Variants in SLC44A5 observed in about 807,000 individuals in gnomAD.
SLC44A5 encodes solute carrier family 44 member 5, also known as choline transporter-like protein 5.
Under a neutral mutation model 101.8 loss-of-function variants are expected in SLC44A5, and 57 were observed. The observed-to-expected ratio is 0.56, with a 90% CI of 0.45 to 0.70. SLC44A5 has a LOEUF of 0.70. Ranked by LOEUF, SLC44A5 falls within the 30% of genes least tolerant of loss-of-function variation. SLC44A5 has a pLI of 0.00. For synonymous variants in SLC44A5, 281 were observed against 290.9 expected (o/e 0.97, Z 0.35); for missense variants, 737 against 853.1 (o/e 0.86, Z 1.70).
intron 1 of SLC44A5, among the ~76,000 whole-genome samples, chr1:75,553,827 T>A (rs1391429595): frequency 6.6e-6 from 1 of 152,106 alleles, no homozygotes; most frequent in Non-Finnish European, 1.5e-5. Context: ...CTGAGCAAAA[T>A]CTCAGGGATG....
intron 7 of SLC44A5, among the ~76,000 whole-genome samples, chr1:75,249,977 T>C (rs929156330): frequency 6.6e-6 from 1 of 152,190 alleles, no homozygotes; most frequent in Non-Finnish European, 1.5e-5. Flanking sequence ...TTTTGTGGGA[T>C]TAGAAACATA....
chr1:75,469,446 T>C (rs1666987257), intron 2 of SLC44A5, among the ~76,000 whole-genome samples: 2 of 149,170 alleles, frequency 1.3e-5, no homozygotes, highest in Non-Finnish European at 3.0e-5. Context: ...TAGATGCAGA[T>C]TTTACTAGCA....
chr1:75,354,490 C>A (rs758186385), intron 3 of SLC44A5, among the ~76,000 whole-genome samples: 4 of 152,186 alleles, frequency 2.6e-5, no homozygotes, highest in Non-Finnish European at 4.4e-5. Flanking sequence ...TCCTTTCAAC[C>A]CCCACATCCT....
chr1:75,428,419 G>C (rs1664431093), intron 2 of SLC44A5, among the ~76,000 whole-genome samples: 1 of 152,162 alleles, frequency 6.6e-6, no homozygotes, highest in South Asian at 2.1e-4. Context: ...CTCAAGGACA[G>C]GGAGTACGTC....
chr1:75,717,780 A>C, the SLC44A5 span, among the ~76,000 whole-genome samples: 1 of 152,230 alleles, frequency 6.6e-6, no homozygotes, highest in Non-Finnish European at 1.5e-5. Flanking sequence ...CAAAGGTCTT[A>C]ATACAACACT....
chr1:75,375,581 T>C (rs1660524488), intron 3 of SLC44A5, among the ~76,000 whole-genome samples: 1 of 152,124 alleles, frequency 6.6e-6, no homozygotes, highest in Admixed American at 6.5e-5. Flanking sequence ...AAGGCAACTG[T>C]AGAAAAGGGT....
chr1:75,549,130 A>G (rs1467239933), intron 1 of SLC44A5, among the ~76,000 whole-genome samples: 1 of 124,624 alleles, frequency 8.0e-6, no homozygotes, highest in Admixed American at 7.9e-5. Flanking sequence ...CTAAGCTCTG[A>G]TTTTATTTCC....
Position 75,547,740 on chromosome 1 carries a change from T to C in SLC44A5, c.-69-6224A>G, listed in dbSNP as rs570225769. Among the ~76,000 whole-genome samples the C allele has an allele frequency of 3.1e-4, 47 of 152,300 alleles. No individual in the cohort carries two copies. The South Asian group carries it at 8.5e-3, about 28-fold the overall frequency. ...GCTTCACCATAGTCTTTCTCCACTA[T>C]AAAAATGCACCTGCTCATTCCTCTT... is the stretch of plus-strand genomic sequence containing the variant. On this transcript the variant is annotated intron_variant, in intron 1 of 23. Transcript: ENST00000370859.
intron 6 of SLC44A5, among the ~76,000 whole-genome samples, chr1:75,254,959 G>A (rs941633071): frequency 2.6e-5 from 4 of 152,100 alleles, no homozygotes; most frequent in African/African-American, 9.7e-5. Flanking sequence ...TTTGTGTTGG[G>A]CTGCACTGAA....
intron 2 of SLC44A5, among the ~76,000 whole-genome samples, chr1:75,397,954 CA>C (rs757648411): frequency 3.3e-5 from 5 of 152,154 alleles, no homozygotes; most frequent in African/African-American, 4.8e-5. Flanking sequence ...TTATTAGGGA[CA>C]TACAGGTTTC....
chr1:75,214,261 T>G (rs1177122512), intron 20 of SLC44A5, among the ~76,000 whole-genome samples: 4 of 152,042 alleles, frequency 2.6e-5, no homozygotes, highest in African/African-American at 9.7e-5. Context: ...CCCTGAGTCC[T>G]GAGGATGCTG....
At chr1:75,417,241 T>C (rs1663711927) in intron 2 of SLC44A5, among the ~76,000 whole-genome samples, 1 of 152,190 alleles carries the variant, frequency 6.6e-6, no homozygotes, top group African/African-American at 2.4e-5. Context: ...TCACGAGATC[T>C]GATGGTTTTA....
At chr1:75,369,114 G>A (rs1256545154) in intron 3 of SLC44A5, among the ~76,000 whole-genome samples, 2 of 151,768 alleles carry the variant, frequency 1.3e-5, no homozygotes, top group Admixed American at 6.6e-5. Context: ...CCTGGGCTCA[G>A]GGAATCTTCC....
At position 75,251,299 on chromosome 1, in the gene SLC44A5, T is replaced by A. The variant is rs1649551442; in HGVS notation, c.261-5A>T. On this transcript the variant is annotated splice_region_variant and splice_polypyrimidine_tract_variant and intron_variant, in intron 6 of 23. Coordinates refer to ENST00000370859, the MANE Select transcript of SLC44A5 (RefSeq NM_001130058.2). ...TAAAACAAAATGGTCTTGTTCCTGT[T>A]AAGAAAGAAAACATAATCTTTTTAG... 1.2e-6 allele frequency: 2 copies of A among 1,607,698 alleles called. No homozygotes were observed.
chr1:75,569,238 CTTTTT>C (rs566440021), intron 1 of SLC44A5, among the ~76,000 whole-genome samples: 2 of 112,880 alleles, frequency 1.8e-5, no homozygotes, highest in African/African-American at 3.3e-5. Flanking sequence ...TCATCTCTAC[CTTTTT>C]TTTTTTTTTT....
intron 4 of SLC44A5, among the ~76,000 whole-genome samples, chr1:75,307,671 C>T (rs916556807): frequency 3.9e-5 from 6 of 152,148 alleles, no homozygotes; most frequent in Admixed American, 1.3e-4. Flanking sequence ...TAAGAGCTTG[C>T]GTTTGAAAGC....
At chr1:75,430,557 A>G (rs1664559323) in intron 2 of SLC44A5, among the ~76,000 whole-genome samples, 1 of 152,186 alleles carries the variant, frequency 6.6e-6, no homozygotes. Flanking sequence ...GAGATGAGAG[A>G]TAACAGCTCT....
chr1:75,524,405 A>G (rs1670307506), intron 2 of SLC44A5, among the ~76,000 whole-genome samples: 1 of 152,148 alleles, frequency 6.6e-6, no homozygotes, highest in African/African-American at 2.4e-5. Flanking sequence ...AACTAATACA[A>G]CATGAGGGTG....
chr1:75,572,427 G>A (rs1673122904), intron 1 of SLC44A5, among the ~76,000 whole-genome samples: 1 of 152,194 alleles, frequency 6.6e-6, no homozygotes, highest in African/African-American at 2.4e-5. Context: ...TCCCCTGAGT[G>A]GCAGAGAAGT....
Sources: allele counts gnomAD v4.1 joint callset (sites outside exome capture counted in the v4.1 genomes callset), GRCh38; gene constraint gnomAD v4.1.1; transcripts MANE v1.5; gene names NCBI Gene and HGNC (gene_info 2026-07-23, HGNC 2026-07-21).